The following NCAPH variants were observed in gnomAD, a reference collection of about 807,000 sequenced individuals.
NCAPH encodes non-SMC condensin I complex subunit H, also known as condensin complex subunit 2.
Under a neutral mutation model 85.5 loss-of-function variants are expected in NCAPH, and 38 were observed. The ratio of observed to expected loss-of-function variants is 0.44; its 90% CI spans 0.34 to 0.58. The LOEUF (loss-of-function observed/expected upper bound fraction) is 0.58, where lower values mean the gene tolerates loss of function less well. Among genes scored for constraint, NCAPH ranks in the 20% least tolerant of loss-of-function variants. The pLI, the probability that NCAPH is intolerant of heterozygous loss-of-function variation, is 0.01. For missense variants in NCAPH, 789 were observed against 916.6 expected (o/e 0.86, Z 1.80); for synonymous variants, 301 against 335.1 (o/e 0.90, Z 1.11).
chr2:96,338,076 G>A (rs1157732486), intron 1 of NCAPH, among the ~76,000 whole-genome samples: 1 of 151,662 alleles, frequency 6.6e-6, no homozygotes, highest in African/African-American at 2.4e-5. Flanking sequence ...ACAGACATGC[G>A]CCACTACACC....
intron 17 of NCAPH, among the ~76,000 whole-genome samples, chr2:96,372,101 C>T (rs982430160): frequency 3.3e-5 from 5 of 152,226 alleles, no homozygotes; most frequent in African/African-American, 9.6e-5. Flanking sequence ...CTGGCACATC[C>T]CATCTGCCTC....
At chr2:96,372,006 G>C (rs943417901) in intron 17 of NCAPH, among the ~76,000 whole-genome samples, 4 of 152,200 alleles carry the variant, frequency 2.6e-5, no homozygotes, top group African/African-American at 4.8e-5. Flanking sequence ...GCAACTACCA[G>C]AACCTGAGCT....
rs2064570277 is a variant in NCAPH, at chr2:96,359,181, C to T, written c.1345C>T (p.Pro449Ser). 6.2e-7 allele frequency: 1 copy of T among 1,614,066 alleles called. No individual in the cohort carries two copies. Among genetic ancestry groups the T allele is most frequent in the Non-Finnish European group, 8.5e-7 (1 of 1,179,986 alleles). Reference protein sequence around the residue: ...WAGPDHWRFRPRRKQDAPSQS... With the variant: ...WAGPDHWRFRSRRKQDAPSQS... ...TGGCCCGGATCACTGGCGCTTTAGGCCTCGACGCAAACGTATGTAATTCTA... is the reference window on the plus strand; with the variant it reads ...TGGCCCGGATCACTGGCGCTTTAGGTCTCGACGCAAACGTATGTAATTCTA... Residue 449 changes from proline to serine, a missense_variant, in exon 10 of 18, where the codon CCT becomes TCT. Physicochemically the swap from Pro to Ser is moderately conservative, Grantham distance 74. Transcript: ENST00000240423.
intron 1 of NCAPH, among the ~76,000 whole-genome samples, chr2:96,340,924 G>C (rs1360397327): frequency 6.6e-6 from 1 of 151,724 alleles, no homozygotes; most frequent in Non-Finnish European, 1.5e-5. Context: ...TTATAAACCA[G>C]AAGTTAAAGA....
rs574607366 is a variant in NCAPH at position 96,341,726 on chromosome 2, C to T, written c.104C>T (p.Pro35Leu). Reference protein sequence around the residue: ...SASSPSERVFPMPLPRKAPLN... With the variant: ...SASSPSERVFLMPLPRKAPLN... ...TCCTCTCCTTCAGAGCGTGTGTTCC[C>T]GATGCCCCTGCCCAGGAAGGCGCCT... The change falls in exon 2 of 18, where the codon CCG (proline) becomes CTG (leucine). Residue 35 changes from proline (P) to leucine (L), a missense_variant. Physicochemically the swap from Pro to Leu is moderately conservative, Grantham distance 98. Transcript: ENST00000240423. 1.9e-5 allele frequency: 30 copies of T among 1,614,216 alleles called. No individual in the cohort carries two copies. The East Asian group carries it at 2.7e-4, about 14-fold the overall frequency.
chr2:96,369,381 C>A, intron 16 of NCAPH, 44 bp from the exon 17 acceptor site: 1 of 1,527,064 alleles, frequency 6.5e-7, no homozygotes, highest in South Asian at 1.1e-5. Context: ...AGCTTTTGTT[C>A]TAACAGTTGG....
At position 96,360,858 on chromosome 2, in the gene NCAPH, G is replaced by A; in HGVS notation, c.1587+148G>A. The stretch of plus-strand genomic sequence containing the variant: ...GTTGCCAGGAAATCAAATAGATAAG[G>A]CAAAGAAAGCTAAAAGGAAAGGCTT... On this transcript the variant is annotated intron_variant, in intron 12 of 17. Coordinates refer to ENST00000240423, the MANE Select transcript of NCAPH (RefSeq NM_015341.5). 3.0e-6 allele frequency: 3 copies of A among 1,006,566 alleles called. 1 individual carries two copies. In the South Asian group the frequency reaches 5.5e-5, roughly 19 times the overall value. The allele number at this position is 1,006,566 out of a possible 1,614,324, so 62.4% of individuals were successfully genotyped here.
Position 96,360,593 on chromosome 2 carries a change from T to C in NCAPH, c.1470T>C (p.Ala490=). ...TTTTTTAAAAAAATTAATAGGCTGC[T>C]ACTATTCTGACCAAGTCCACTTTGG... The part of the protein sequence containing the change: ...FDVYFRKTKA[A]TILTKSTLEN... The change falls in exon 12 of 18, where the codon GCT becomes GCC. Residue 490 remains alanine (A), a synonymous_variant. Transcript: ENST00000240423. 1 of 1,614,144 alleles carries C rather than the reference T, an allele frequency of 6.2e-7. No individual in the cohort carries two copies. Among genetic ancestry groups the C allele is most frequent in the African/African-American group, 1.3e-5 (1 of 75,056 alleles).
rs1277200143 is a variant in NCAPH, at chr2:96,359,184, C to T, written c.1348C>T (p.Arg450Ter). The T allele has an allele frequency of 6.2e-6, 10 of 1,613,496 alleles. No individual in the cohort carries two copies. Among genetic ancestry groups the T allele is most frequent in the South Asian group, 2.2e-5 (2 of 90,998 alleles). ...AGPDHWRFRP[R>*]RKQDAPSQSE... Reference sequence around the variant, plus strand: ...CCCGGATCACTGGCGCTTTAGGCCTCGACGCAAACGTATGTAATTCTAGGT... The same window carrying T: ...CCCGGATCACTGGCGCTTTAGGCCTTGACGCAAACGTATGTAATTCTAGGT... The change falls in exon 10 of 18, where the codon CGA (arginine) becomes TGA (stop). Residue 450 changes from arginine to a stop codon, truncating the protein, a stop_gained. Transcript: ENST00000240423. LOFTEE classifies it high-confidence loss of function.
chr2:96,337,593 G>A (rs1485820814), intron 1 of NCAPH, among the ~76,000 whole-genome samples: 1 of 151,748 alleles, frequency 6.6e-6, no homozygotes, highest in Non-Finnish European at 1.5e-5. Flanking sequence ...CTAATTTTTT[G>A]TATTTTAGTA....
intron 4 of NCAPH, 73 bp from the exon 5 acceptor site, chr2:96,343,093 C>G: frequency 6.4e-7 from 1 of 1,573,290 alleles, no homozygotes; most frequent in Non-Finnish European, 8.6e-7. Flanking sequence ...TTTTGTGAAG[C>G]TTGCTGTGTT....
At chr2:96,355,206 T>A (rs1434227056) in intron 9 of NCAPH, among the ~76,000 whole-genome samples, 2 of 152,196 alleles carry the variant, frequency 1.3e-5, no homozygotes, top group East Asian at 3.8e-4. Context: ...TTGTTTTAAT[T>A]CTAAATATGA....
At position 96,359,170 on chromosome 2, in the gene NCAPH, G is replaced by A; in HGVS notation, c.1334G>A (p.Trp445Ter). 1 of 1,614,150 alleles carries A rather than the reference G, an allele frequency of 6.2e-7. No individual in the cohort carries two copies. The change falls in exon 10 of 18, where the codon TGG (tryptophan) becomes TAG (stop). Residue 445 changes from tryptophan to a stop codon, truncating the protein, a stop_gained. Coordinates refer to ENST00000240423, the MANE Select transcript of NCAPH (RefSeq NM_015341.5). LOFTEE classifies it high-confidence loss of function. ...TMSMWAGPDH[W>*]RFRPRRKQDA... ...TCGATGTGGGCTGGCCCGGATCACT[G>A]GCGCTTTAGGCCTCGACGCAAACGT...
intron 6 of NCAPH, among the ~76,000 whole-genome samples, chr2:96,348,800 C>T (rs1357509831): frequency 2.0e-5 from 3 of 152,122 alleles, no homozygotes; most frequent in Non-Finnish European, 4.4e-5. Context: ...GGACGCACCA[C>T]CACGCCCAGC....
intron 1 of NCAPH, among the ~76,000 whole-genome samples, chr2:96,340,383 CTTTTTTTTT>C (rs908160989): frequency 2.2e-5 from 2 of 91,240 alleles, no homozygotes; most frequent in Non-Finnish European, 4.2e-5. Flanking sequence ...TAATAAGCAT[CTTTTTTTTT>C]TTTTTTTTTT....
intron 5 of NCAPH, 134 bp from the exon 6 acceptor site, chr2:96,343,971 G>T: frequency 8.6e-7 from 1 of 1,157,264 alleles, no homozygotes; most frequent in Non-Finnish European, 1.2e-6. Flanking sequence ...CAAAGCGCTA[G>T]GATTACAGGC....
At position 96,344,149 on chromosome 2, in the gene NCAPH, C is replaced by G; in HGVS notation, c.640C>G (p.Pro214Ala). The change falls in exon 6 of 18, where the codon CCA (proline) becomes GCA (alanine). Residue 214 changes from proline (P) to alanine (A), a missense_variant. Coordinates refer to ENST00000240423, the MANE Select transcript of NCAPH (RefSeq NM_015341.5). The part of the protein sequence containing the change: ...EMGTTKKAVK[P>A]KKKHLHRTIE... ...GGGAACAACCAAAAAGGCTGTAAAG[C>G]CAAAGAAGAAGCACTTACACAGAAC... 2 of 1,613,520 alleles carry G rather than the reference C, an allele frequency of 1.2e-6. No homozygotes were observed. Among genetic ancestry groups the G allele is most frequent in the Non-Finnish European group, 1.7e-6 (2 of 1,179,892 alleles).
chr2:96,366,876 CAAAAAAA>C (rs928006104), intron 14 of NCAPH, among the ~76,000 whole-genome samples: 11 of 37,542 alleles, frequency 2.9e-4, no homozygotes, highest in African/African-American at 7.7e-4. Context: ...GACTCCGTCT[CAAAAAAA>C]AAAAAAAAAA....
chr2:96,362,671 T>C (rs2064641475), intron 12 of NCAPH, among the ~76,000 whole-genome samples: 1 of 152,158 alleles, frequency 6.6e-6, no homozygotes, highest in African/African-American at 2.4e-5. Flanking sequence ...AGATGTGGTA[T>C]GCAGATGTGG....
Sources: gnomAD v4.1 joint callset for allele counts (sites outside exome capture counted in the v4.1 genomes callset) on GRCh38, gnomAD v4.1.1 for gene constraint, MANE v1.5 for transcripts, NCBI Gene and HGNC (gene_info 2026-07-23, HGNC 2026-07-21) for gene names.